ANKRD40: variants seen among roughly 807,000 people sequenced by gnomAD.
ANKRD40 encodes ankyrin repeat domain-containing protein 40.
In ANKRD40, 24 loss-of-function variants were observed where a neutral mutation model predicts 35.5. That is an observed-to-expected ratio of 0.68 (90% CI 0.49 to 0.95). The LOEUF (loss-of-function observed/expected upper bound fraction) is 0.95, where lower values mean the gene tolerates loss of function less well. ANKRD40 is among the 40% of genes least tolerant of loss of function. The probability of loss-of-function intolerance (pLI) is 0.00; values close to 1 mark genes in which losing one functional copy is unlikely to be tolerated. For missense variants in ANKRD40, 361 were observed against 436.0 expected, an observed-to-expected ratio of 0.83 and a Z score of 1.53; for synonymous variants, 147 against 173.5, an observed-to-expected ratio of 0.85 and a Z score of 1.20.
intron 2 of ANKRD40, chr17:50,700,309 G>T: frequency 3.0e-6 from 1 of 332,184 alleles, no homozygotes; most frequent in Non-Finnish European, 5.5e-6. Flanking sequence ...GAGACGTGGT[G>T]GCACATGCCT....
chr17:50,696,207 C>G (rs2146655246), intron 4 of ANKRD40, 64 bp from the exon 5 acceptor site: 1 of 1,496,438 alleles, frequency 6.7e-7, no homozygotes, highest in Non-Finnish European at 9.0e-7. Context: ...TTGGTGCACT[C>G]TATTGATACC....
chr17:50,701,434 G>C (rs1240636919), intron 1 of ANKRD40, among the ~76,000 whole-genome samples: 2 of 152,132 alleles, frequency 1.3e-5, no homozygotes, highest in Non-Finnish European at 2.9e-5. Flanking sequence ...TCACGAACAG[G>C]TTCTTCTAAC....
In ANKRD40 at chr17:50,707,289, C is replaced by T. The variant is rs778315943; in HGVS notation, c.134+232G>A. 1.2e-4 allele frequency among the ~76,000 whole-genome samples: 18 copies of T among 152,108 alleles called. No homozygotes were observed. The highest frequency in any genetic ancestry group is 2.1e-4 in the Non-Finnish European group (14 of 67,982). ...GGAAGGGGGTAGGGCACCAGAGTCC[C>T]AGTGGGCGCTGCCCCGAGTGGACCA... On this transcript the variant is annotated intron_variant, in intron 1 of 4. Coordinates refer to ENST00000285243, the MANE Select transcript of ANKRD40 (RefSeq NM_052855.4). This position sits in a 1 kb window ranked among gnomAD's most constrained non-coding sequence, Gnocchi z 4.8.
rs1422436460 is a variant in ANKRD40, at chr17:50,694,131, A to AAAAAAAAAAAAAAG, written c.*1865_*1866insCTTTTTTTTTTTTT. 6.7e-6 allele frequency: 1 copy of AAAAAAAAAAAAAAG among 150,258 alleles called. No individual in the cohort carries two copies. The highest frequency in any genetic ancestry group is 2.4e-5 in the African/African-American group (1 of 40,954). The allele number at this position is 150,258 out of a possible 1,614,324, so 9.3% of individuals were successfully genotyped here. ...GGCAACAAAGCAAGACTCCGTCTCA[A>AAAAAAAAAAAAAAG]AAAAAAAAAGAAAAGAAACACCAGG... On this transcript the variant is annotated 3_prime_UTR_variant, in exon 5 of 5. Transcript: ENST00000285243.
chr17:50,699,899 A>G lies in ANKRD40; in HGVS notation c.284-6T>C. 6.7e-7 allele frequency: 1 copy of G among 1,501,552 alleles called. No homozygotes were observed. 93.0% of individuals were successfully genotyped at this position (1,501,552 alleles called of 1,614,324 possible). Reference sequence around the variant, plus strand: ...ATCATCATCTTCTTCTTCCACTTAAAAAGAAGAAAACAGAACATTTACACA... The same window carrying G: ...ATCATCATCTTCTTCTTCCACTTAAGAAGAAGAAAACAGAACATTTACACA... On this transcript the variant is annotated splice_polypyrimidine_tract_variant and splice_region_variant and intron_variant, in intron 2 of 4. Coordinates refer to ENST00000285243, the MANE Select transcript of ANKRD40 (RefSeq NM_052855.4).
At chr17:50,697,603 G>T (rs563666232) in intron 3 of ANKRD40, among the ~76,000 whole-genome samples, 1 of 152,304 alleles carries the variant, frequency 6.6e-6, no homozygotes, top group East Asian at 1.9e-4. Flanking sequence ...GACAGTAAAA[G>T]AGCCAAATGA....
Position 50,699,814 on chromosome 17 carries a change from G to A in ANKRD40, c.363C>T (p.Pro121=). ...GGAAGGCTGGGTTGGCCAAATAGTT[G>A]GGAACAAAGGGCAGTTCTGACTCCT... ...LKKESELPFV[P]NYLANPAFPF... is the part of the protein sequence containing the mutation. The change falls in exon 3 of 5, where the codon CCC becomes CCT. Residue 121 remains proline, a synonymous_variant. Coordinates refer to ENST00000285243, the MANE Select transcript of ANKRD40 (RefSeq NM_052855.4). The A allele has an allele frequency of 6.4e-7, 1 of 1,567,086 alleles. No homozygotes were observed. Among genetic ancestry groups the A allele is most frequent in the Non-Finnish European group, 8.7e-7 (1 of 1,155,490 alleles).
In ANKRD40 at chr17:50,699,896, TAAAAA is replaced by T. The variant is rs745442245; in HGVS notation, c.284-8_284-4del. 1 of 1,503,276 alleles carries T rather than the reference TAAAAA, an allele frequency of 6.7e-7. No homozygotes were observed. The allele number at this position is 1,503,276 out of a possible 1,614,324, so 93.1% of individuals were successfully genotyped here. A position where few individuals can be genotyped will look rare whatever the true frequency, so the allele number is the denominator to read the frequency against. On this transcript the variant is annotated splice_polypyrimidine_tract_variant and splice_region_variant and intron_variant, in intron 2 of 4. Transcript: ENST00000285243. ...ATCATCATCATCTTCTTCTTCCACT[TAAAAA>T]GAAGAAAACAGAACATTTACACAGT...
chr17:50,704,894 C>A (rs988634276), intron 1 of ANKRD40, among the ~76,000 whole-genome samples: 1 of 152,160 alleles, frequency 6.6e-6, no homozygotes, highest in Non-Finnish European at 1.5e-5. Flanking sequence ...TCAGGCGGAT[C>A]ACAAGGTCAG....
rs1215058448 is a variant in ANKRD40 at position 50,695,072 on chromosome 17, A to G, written c.*925T>C. 1.3e-5 allele frequency: 2 copies of G among 152,156 alleles called. No homozygotes were observed. Among genetic ancestry groups the G allele is most frequent in the African/African-American group, 2.4e-5 (1 of 41,404 alleles). 9.4% of individuals were successfully genotyped at this position (152,156 alleles called of 1,614,324 possible). A position where few individuals can be genotyped will look rare whatever the true frequency, so the allele number is the denominator to read the frequency against. Reference sequence around the variant, plus strand: ...ACACATATGACTGGAATCACTTCAGAGTAAAAAAAAAGTGGGCTGGGTGCA... The same window carrying G: ...ACACATATGACTGGAATCACTTCAGGGTAAAAAAAAAGTGGGCTGGGTGCA... On this transcript the variant is annotated 3_prime_UTR_variant, in exon 5 of 5. Transcript: ENST00000285243.
At position 50,697,083 on chromosome 17, in the gene ANKRD40, G is replaced by A. The variant is rs1162628689; in HGVS notation, c.817C>T (p.Arg273Ter). ...LKVRIQNPSL[R>*]ENDFIEIELD... ...TCAATTTCAATGAAATCATTTTCTC[G>A]AAGAGATGGGTTCTGAATTCTCACC... The change falls in exon 4 of 5, where the codon CGA (arginine) becomes TGA (stop). Residue 273 changes from arginine to a stop codon, truncating the protein, a stop_gained. Transcript: ENST00000285243. LOFTEE classifies it high-confidence loss of function. 4 of 1,613,580 alleles carry A rather than the reference G, an allele frequency of 2.5e-6. No individual in the cohort carries two copies. The highest frequency in any genetic ancestry group is 1.1e-5 in the South Asian group (1 of 90,940).
At position 50,696,035 on chromosome 17, in the gene ANKRD40, G is replaced by T. The variant is rs1968197089; in HGVS notation, c.1069C>A (p.Pro357Thr). 8 of 1,614,070 alleles carry T rather than the reference G, an allele frequency of 5.0e-6. No homozygotes were observed. The highest frequency in any genetic ancestry group is 1.3e-5 in the African/African-American group (1 of 74,928). Residue 357 changes from proline (P) to threonine (T), a missense_variant, in exon 5 of 5, where the codon CCT becomes ACT. This residue lies in a region of ANKRD40 where 93 missense variants were observed against 129.6 expected (regional missense o/e 0.72). Coordinates refer to ENST00000285243, the MANE Select transcript of ANKRD40 (RefSeq NM_052855.4). ...TTTGAAGCTCTCCTGTTATAGCAAG[G>T]CCTTTCAGTCAGTGTGGATGCAGCA... ...RNAASTLTER[P>T]CYNRRASKLT...
intron 1 of ANKRD40, among the ~76,000 whole-genome samples, chr17:50,702,929 G>C (rs1319220952): frequency 6.6e-6 from 1 of 152,122 alleles, no homozygotes; most frequent in Non-Finnish European, 1.5e-5. Context: ...CTGATGTGGG[G>C]GAATGATTAG....
chr17:50,697,135 G>A lies in ANKRD40; in HGVS notation c.779-14C>T, dbSNP rs184264254. 83 of 1,605,580 alleles carry A rather than the reference G, an allele frequency of 5.2e-5. 1 individual carries two copies. The Admixed American group carries it at 6.5e-4, about 13-fold the overall frequency. On this transcript the variant is annotated splice_polypyrimidine_tract_variant and intron_variant, in intron 3 of 4. Coordinates refer to ENST00000285243, the MANE Select transcript of ANKRD40 (RefSeq NM_052855.4). ...TGAGTACCAGCTCTAGAAAAAAAAG[G>A]AGAAATGTTAATGAATAGTTCTGGC...
intron 4 of ANKRD40, 131 bp downstream of exon 4, chr17:50,696,809 A>T: frequency 1.1e-6 from 1 of 895,212 alleles, no homozygotes; most frequent in Non-Finnish European, 1.6e-6. Flanking sequence ...GGAAATGATT[A>T]CATTTGGAAA....
In ANKRD40 at chr17:50,707,710, C is replaced by CT. The variant is rs1267837270; in HGVS notation, c.-57dup. On this transcript the variant is annotated 5_prime_UTR_variant, in exon 1 of 5. Coordinates refer to ENST00000285243, the MANE Select transcript of ANKRD40 (RefSeq NM_052855.4). The surrounding 1 kb of genome is among the most constrained non-coding windows in gnomAD (Gnocchi z 4.8). The stretch of plus-strand genomic sequence containing the variant: ...CCGCCTGCCCCGCCCCGCCCGGGGC[C>CT]TGTCAGCGCCGCCGCCGTCGCCGCG... 2.5e-6 allele frequency: 3 copies of CT among 1,204,826 alleles called. No homozygotes were observed. In the African/African-American group the frequency reaches 4.8e-5, roughly 19 times the overall value. 74.6% of individuals were successfully genotyped at this position (1,204,826 alleles called of 1,614,324 possible). A position where few individuals can be genotyped will look rare whatever the true frequency, so the allele number is the denominator to read the frequency against.
rs1968353724 is a variant in ANKRD40 at position 50,707,437 on chromosome 17, C to A, written c.134+84G>T. Reference sequence around the variant, plus strand: ...CAGGCCTCGCCGTAGCCAGGCGTCCCGCGCTGGGCCCAGGTCGCGACTGAC... The same window carrying A: ...CAGGCCTCGCCGTAGCCAGGCGTCCAGCGCTGGGCCCAGGTCGCGACTGAC... On this transcript the variant is annotated intron_variant, in intron 1 of 4. Coordinates refer to ENST00000285243, the MANE Select transcript of ANKRD40 (RefSeq NM_052855.4). The surrounding 1 kb of genome is among the most constrained non-coding windows in gnomAD (Gnocchi z 4.8). The A allele has an allele frequency of 6.5e-7, 1 of 1,530,926 alleles. No individual in the cohort carries two copies. Among genetic ancestry groups the A allele is most frequent in the Admixed American group, 1.9e-5 (1 of 52,406 alleles). 94.8% of individuals were successfully genotyped at this position (1,530,926 alleles called of 1,614,324 possible).
intron 2 of ANKRD40, 93 bp from the exon 3 acceptor site, chr17:50,699,986 T>C (rs761935069): frequency 4.0e-6 from 5 of 1,256,978 alleles, no homozygotes; most frequent in Non-Finnish European, 5.2e-6. Flanking sequence ...GTATGTGACA[T>C]TGGTCAGTGT....
chr17:50,704,836 C>T (rs541415969), intron 1 of ANKRD40, among the ~76,000 whole-genome samples: 12 of 152,232 alleles, frequency 7.9e-5, no homozygotes, highest in African/African-American at 2.2e-4. Context: ...CTGAGCTGGC[C>T]GGGCACGGTG....
Sources: allele counts gnomAD v4.1 joint callset (sites outside exome capture counted in the v4.1 genomes callset), GRCh38; gene constraint gnomAD v4.1.1; regional missense constraint gnomAD v4.1.1; non-coding constraint Gnocchi (gnomAD v3.1); transcripts MANE v1.5; gene names NCBI Gene and HGNC (gene_info 2026-07-23, HGNC 2026-07-21).